MIPOL1: variants seen among roughly 807,000 people sequenced by gnomAD.
The protein encoded by MIPOL1 is mirror-image polydactyly 1.
In MIPOL1, 57 loss-of-function variants were observed where a neutral mutation model predicts 60.9. That is an observed-to-expected ratio of 0.94 (90% CI 0.76 to 1.17). The LOEUF (loss-of-function observed/expected upper bound fraction) is 1.17. Ranked by LOEUF, MIPOL1 falls within the 50% of genes most tolerant of loss-of-function variation. The pLI is 0.00. For synonymous variants in MIPOL1, 179 were observed against 168.8 expected (o/e 1.06, Z -0.47); for missense variants, 551 against 511.6 (o/e 1.08, Z -0.74).
At chr14:37,416,769 C>A (rs1305589843) in intron 10 of MIPOL1, among the ~76,000 whole-genome samples, 1 of 152,134 alleles carries the variant, frequency 6.6e-6, no homozygotes, top group Non-Finnish European at 1.5e-5. Flanking sequence ...CCGTAAACAG[C>A]AAGACCTCTC....
At chr14:37,492,353 G>C (rs1264185895) in intron 11 of MIPOL1, among the ~76,000 whole-genome samples, 1 of 152,302 alleles carries the variant, frequency 6.6e-6, no homozygotes, top group South Asian at 2.1e-4. Context: ...AATGTTATCA[G>C]TAAGTGAACA....
At chr14:37,539,368 G>A (rs767876400) in intron 12 of MIPOL1, among the ~76,000 whole-genome samples, 8 of 152,114 alleles carry the variant, frequency 5.3e-5, no homozygotes, top group Admixed American at 2.0e-4. Flanking sequence ...GGTTTTGCTG[G>A]CAAAGCAGGC....
chr14:37,274,519 G>A (rs894789736), intron 6 of MIPOL1, among the ~76,000 whole-genome samples: 2 of 151,338 alleles, frequency 1.3e-5, no homozygotes, highest in African/African-American at 4.8e-5. Flanking sequence ...TATGTTCTAG[G>A]CACTGTGTTA....
intron 12 of MIPOL1, among the ~76,000 whole-genome samples, chr14:37,532,355 A>G (rs970424893): frequency 2.0e-5 from 3 of 152,184 alleles, no homozygotes; most frequent in Non-Finnish European, 4.4e-5. Context: ...CTTACTACCA[A>G]AGAATAATCT....
chr14:37,420,544 G>A (rs2093853621), intron 10 of MIPOL1, among the ~76,000 whole-genome samples: 1 of 151,978 alleles, frequency 6.6e-6, no homozygotes, highest in African/African-American at 2.4e-5. Flanking sequence ...TATCAATCTA[G>A]GAAATACTAT....
intron 1 of MIPOL1, among the ~76,000 whole-genome samples, chr14:37,240,909 A>G (rs1397908398): frequency 6.6e-6 from 1 of 150,616 alleles, no homozygotes; most frequent in East Asian, 2.0e-4. Context: ...TAGTTTTTAG[A>G]GAAACTACCA....
intron 10 of MIPOL1, among the ~76,000 whole-genome samples, chr14:37,375,897 A>G (rs890979664): frequency 2.0e-5 from 3 of 151,718 alleles, no homozygotes; most frequent in Non-Finnish European, 2.9e-5. Context: ...CTGTCACCAT[A>G]TCTCCATTTT....
At chr14:37,494,520 G>A (rs1406860475) in intron 11 of MIPOL1, among the ~76,000 whole-genome samples, 1 of 152,146 alleles carries the variant, frequency 6.6e-6, no homozygotes, top group East Asian at 1.9e-4. Flanking sequence ...GAATCTGAAT[G>A]CCTAGCTAAA....
At chr14:37,286,888 A>T (rs554697120) in intron 7 of MIPOL1, among the ~76,000 whole-genome samples, 12 of 152,294 alleles carry the variant, frequency 7.9e-5, no homozygotes, top group Non-Finnish European at 1.5e-4. Flanking sequence ...CCTAAACATC[A>T]TTACCTAGAA....
intron 11 of MIPOL1, among the ~76,000 whole-genome samples, chr14:37,449,504 A>G (rs1304373070): frequency 6.6e-6 from 1 of 152,216 alleles, no homozygotes; most frequent in Non-Finnish European, 1.5e-5. Flanking sequence ...TAGTAATGAA[A>G]TAATTCGTTG....
At chr14:37,405,198 T>C (rs2093563879) in intron 10 of MIPOL1, among the ~76,000 whole-genome samples, 1 of 152,188 alleles carries the variant, frequency 6.6e-6, no homozygotes, top group Non-Finnish European at 1.5e-5. Context: ...TCCGCAGCAG[T>C]GTGCCCTAGG....
intron 12 of MIPOL1, among the ~76,000 whole-genome samples, chr14:37,543,874 C>T (rs989857697): frequency 3.9e-5 from 6 of 151,954 alleles, no homozygotes; most frequent in African/African-American, 1.5e-4. Context: ...TTCACAGGTT[C>T]AAATTGAAGT....
intron 12 of MIPOL1, among the ~76,000 whole-genome samples, chr14:37,513,448 A>G (rs185533403): frequency 2.6e-5 from 4 of 152,142 alleles, no homozygotes; most frequent in African/African-American, 9.7e-5. Context: ...TTGGGCTTAT[A>G]TCTTAACTAT....
At chr14:37,410,005 A>C (rs999745052) in intron 10 of MIPOL1, among the ~76,000 whole-genome samples, 1 of 152,172 alleles carries the variant, frequency 6.6e-6, no homozygotes. Flanking sequence ...TCTAAAACTA[A>C]TGGAAGATAT....
intron 10 of MIPOL1, among the ~76,000 whole-genome samples, chr14:37,385,182 G>C (rs2093031306): frequency 6.6e-6 from 1 of 152,064 alleles, no homozygotes; most frequent in African/African-American, 2.4e-5. Context: ...TGGTGGAAGA[G>C]GGAGGGTGTG....
chr14:37,447,413 T>G (rs1182893764), intron 11 of MIPOL1, among the ~76,000 whole-genome samples: 1 of 152,130 alleles, frequency 6.6e-6, no homozygotes, highest in African/African-American at 2.4e-5. Flanking sequence ...CTAATTTCAG[T>G]GAAAGATGCC....
At chr14:37,282,907 T>C in intron 6 of MIPOL1, among the ~76,000 whole-genome samples, 1 of 152,120 alleles carries the variant, frequency 6.6e-6, no homozygotes. Context: ...CTCAAAACAA[T>C]ATGTAATTTA....
At chr14:37,516,505 C>A (rs1566757360) in intron 12 of MIPOL1, among the ~76,000 whole-genome samples, 1 of 152,110 alleles carries the variant, frequency 6.6e-6, no homozygotes, top group Non-Finnish European at 1.5e-5. Flanking sequence ...TTGCCATTCT[C>A]AAGGATGAAT....
intron 6 of MIPOL1, 98 bp from the exon 7 acceptor site, chr14:37,285,220 C>G (rs1453792269): frequency 7.9e-7 from 1 of 1,268,226 alleles, no homozygotes; most frequent in African/African-American, 1.5e-5. Context: ...TTGAGTAGTC[C>G]TTACAGTAAT....
Sources: gnomAD v4.1 joint callset for allele counts (sites outside exome capture counted in the v4.1 genomes callset) on GRCh38, gnomAD v4.1.1 for gene constraint, MANE v1.5 for transcripts, NCBI Gene and HGNC (gene_info 2026-07-23, HGNC 2026-07-21) for gene names.